The following PECAM1 variants were observed in gnomAD, a reference collection of about 807,000 sequenced individuals.
The protein encoded by PECAM1 is platelet endothelial cell adhesion molecule.
Under a neutral mutation model 13.8 loss-of-function variants are expected in PECAM1, and 8 were observed. The ratio of observed to expected loss-of-function variants is 0.58; its 90% CI spans 0.34 to 1.05. The LOEUF is 1.05. Ranked by LOEUF, PECAM1 falls within the 50% of genes least tolerant of loss-of-function variation. The pLI, the probability that PECAM1 is intolerant of heterozygous loss-of-function variation, is 0.03. For missense variants in PECAM1, 304 were observed against 141.2 expected, an observed-to-expected ratio of 2.15 and a Z score of -5.84; for synonymous variants, 136 against 52.6, an observed-to-expected ratio of 2.58 and a Z score of -6.86.
At chr17:64,371,631 A>G (rs2036240140) in intron 4 of PECAM1, among the ~76,000 whole-genome samples, 1 of 152,174 alleles carries the variant, frequency 6.6e-6, no homozygotes, top group East Asian at 1.9e-4. Flanking sequence ...GGAGTTTAAG[A>G]CCAGCCTGGC....
At chr17:64,346,593 C>A (rs1399702377) in intron 13 of PECAM1, among the ~76,000 whole-genome samples, 1 of 152,172 alleles carries the variant, frequency 6.6e-6, no homozygotes, top group Non-Finnish European at 1.5e-5. Context: ...GCCTTGGCCT[C>A]CCAAAGTACT....
At chr17:64,360,962 A>G (rs1452259578) in intron 6 of PECAM1, among the ~76,000 whole-genome samples, 7 of 151,328 alleles carry the variant, frequency 4.6e-5, no homozygotes, top group African/African-American at 1.7e-4. Flanking sequence ...AGTAGCTGGG[A>G]CTATAGGTGC....
At chr17:64,347,700 T>G (rs1220769943) in intron 13 of PECAM1, among the ~76,000 whole-genome samples, 1 of 144,710 alleles carries the variant, frequency 6.9e-6, no homozygotes, top group Non-Finnish European at 1.5e-5. Context: ...TGTATTTATA[T>G]TTATATATTA....
Position 64,322,627 on chromosome 17 carries a change from C to A in PECAM1, c.*1189G>T, listed in dbSNP as rs1375606243. 1 of 985,238 alleles carries A rather than the reference C, an allele frequency of 1.0e-6. No homozygotes were observed. The highest frequency in any genetic ancestry group is 1.7e-5 in the African/African-American group (1 of 57,232). 61.0% of individuals were successfully genotyped at this position (985,238 alleles called of 1,614,324 possible). A position where few individuals can be genotyped will look rare whatever the true frequency, so the allele number is the denominator to read the frequency against. On this transcript the variant is annotated 3_prime_UTR_variant, in exon 16 of 16. Transcript: ENST00000563924. ...GGTTCTCATCTGTGAAATTCCACAG[C>A]GCAATGACAGCAGCCTCTCTCCCAC...
At chr17:64,327,407 C>CTTGA (rs1275557203) in intron 15 of PECAM1, among the ~76,000 whole-genome samples, 28 of 152,216 alleles carry the variant, frequency 1.8e-4, no homozygotes, top group Non-Finnish European at 5.9e-5. Context: ...GAAGCTTGAG[C>CTTGA]TTGAGGAAGA....
intron 15 of PECAM1, among the ~76,000 whole-genome samples, chr17:64,324,086 G>C (rs1555645138): frequency 6.6e-6 from 1 of 152,114 alleles, no homozygotes; most frequent in Admixed American, 6.6e-5. Context: ...AAAGAATAAA[G>C]GTCAAATTTA....
intron 2 of PECAM1, among the ~76,000 whole-genome samples, chr17:64,379,419 G>T (rs1015623871): frequency 2.0e-5 from 3 of 152,184 alleles, no homozygotes; most frequent in Admixed American, 6.5e-5. Context: ...GTGGGCAACT[G>T]CCCTGAAAAT....
chr17:64,354,388 CCTCA>C (rs2035802763), intron 9 of PECAM1, among the ~76,000 whole-genome samples: 1 of 152,194 alleles, frequency 6.6e-6, no homozygotes, highest in Non-Finnish European at 1.5e-5. Flanking sequence ...CAGGGCCCCT[CCTCA>C]CCCCATCTTC....
chr17:64,336,278 AAAAG>A (rs1555647687), intron 14 of PECAM1, among the ~76,000 whole-genome samples: 2 of 149,158 alleles, frequency 1.3e-5, no homozygotes, highest in African/African-American at 5.1e-5. Context: ...AAAAAAAAAA[AAAAG>A]AAAGAAAGAA....
chr17:64,367,523 C>G (rs1332206035), intron 5 of PECAM1, among the ~76,000 whole-genome samples: 1 of 146,846 alleles, frequency 6.8e-6, no homozygotes, highest in Non-Finnish European at 1.5e-5. Flanking sequence ...TCACTGCAGC[C>G]TGGGCAACAA....
At chr17:64,357,896 C>T (rs1385550961) in intron 7 of PECAM1, among the ~76,000 whole-genome samples, 5 of 152,136 alleles carry the variant, frequency 3.3e-5, no homozygotes, top group Non-Finnish European at 7.3e-5. Context: ...TGCTCCCTGA[C>T]CCAGCCACCA....
intron 14 of PECAM1, among the ~76,000 whole-genome samples, chr17:64,339,089 C>T (rs1025221992): frequency 2.4e-4 from 36 of 152,126 alleles, no homozygotes; most frequent in African/African-American, 8.5e-4. Context: ...ATAAAAGGGC[C>T]TCCAACCAGT....
chr17:64,341,132 CG>C (rs1187171549), intron 14 of PECAM1, among the ~76,000 whole-genome samples: 2 of 147,624 alleles, frequency 1.4e-5, no homozygotes, highest in African/African-American at 5.0e-5. Context: ...AGTGTGGTGG[CG>C]GGCGCCTGTA....
chr17:64,329,670 A>G (rs45588632), intron 15 of PECAM1, 30 bp downstream of exon 15: 40,091 of 747,960 alleles, frequency 0.054, 1,324 homozygotes, highest in Middle Eastern at 0.076. Flanking sequence ...GAGTACTTTT[A>G]AATATAATGT....
chr17:64,364,099 AG>A (rs2036047937), intron 5 of PECAM1, among the ~76,000 whole-genome samples: 2 of 152,336 alleles, frequency 1.3e-5, no homozygotes, highest in Non-Finnish European at 2.9e-5. Context: ...AGAAAAAAAG[AG>A]AGAAGAATCA....
intron 14 of PECAM1, among the ~76,000 whole-genome samples, chr17:64,334,225 C>G (rs73341028): frequency 6.6e-6 from 1 of 151,826 alleles, no homozygotes; most frequent in African/African-American, 2.4e-5. Context: ...TCAAGTCCCC[C>G]GGGCCAGCGC....
chr17:64,342,878 G>A (rs1424433062), intron 13 of PECAM1, among the ~76,000 whole-genome samples: 11 of 152,060 alleles, frequency 7.2e-5, no homozygotes, highest in East Asian at 5.8e-4. Context: ...CTCATACAGT[G>A]TGTAGGATGT....
At chr17:64,367,431 T>G (rs1401004568) in intron 5 of PECAM1, among the ~76,000 whole-genome samples, 1 of 151,176 alleles carries the variant, frequency 6.6e-6, no homozygotes, top group Non-Finnish European at 1.5e-5. Flanking sequence ...ATGCCTATAA[T>G]CCCAGCTACT....
intron 5 of PECAM1, among the ~76,000 whole-genome samples, chr17:64,368,858 A>G (rs1185338012): frequency 2.4e-3 from 354 of 150,602 alleles, no homozygotes; most frequent in Non-Finnish European, 4.0e-3. Flanking sequence ...GTCTCAAAAA[A>G]GAAAAAAAAA....
Sources: allele counts gnomAD v4.1 joint callset (sites outside exome capture counted in the v4.1 genomes callset), GRCh38; gene constraint gnomAD v4.1.1; transcripts MANE v1.5; gene names NCBI Gene and HGNC (gene_info 2026-07-23, HGNC 2026-07-21).